Variants in UNC80 observed in about 807,000 individuals in gnomAD.
UNC80 encodes unc-80 subunit of NALCN channel complex, also known as protein unc-80 homolog.
UNC80 carries 164 observed loss-of-function variants against 384.6 expected under a neutral mutation model. That is an observed-to-expected ratio of 0.43 (90% CI 0.38 to 0.49). The LOEUF (loss-of-function observed/expected upper bound fraction) is 0.49. Among genes scored for constraint, UNC80 ranks in the 20% least tolerant of loss-of-function variants. UNC80 has a pLI of 0.00. For synonymous variants in UNC80, 1,486 were observed against 1,527.8 expected (o/e 0.97, Z 0.64); for missense variants, 3,330 against 4,143.0 (o/e 0.80, Z 5.39).
chr2:209,918,418 G>A, intron 32 of UNC80, 114 bp from the exon 33 acceptor site: 1 of 1,234,368 alleles, frequency 8.1e-7, no homozygotes, highest in Non-Finnish European at 1.1e-6. Flanking sequence ...TTCATTCTGT[G>A]TGAAGTCACT....
chr2:209,967,567 C>G lies in UNC80; in HGVS notation c.7936C>G (p.Pro2646Ala). ...TGACTGGACAGCTGAGGCAGTGAGGCCGGCCCTCATCCTCATTTTAAAAAG... is the reference window on the plus strand; with the variant it reads ...TGACTGGACAGCTGAGGCAGTGAGGGCGGCCCTCATCCTCATTTTAAAAAG... ...ITDWTAEAVR[P>A]ALILILKRLD... The change falls in exon 52 of 65, where the codon CCG (proline) becomes GCG (alanine). Residue 2646 changes from proline to alanine, a missense_variant. Pro to Ala is a conservative substitution (Grantham distance 27). Coordinates refer to ENST00000673920, the MANE Select transcript of UNC80 (RefSeq NM_001371986.1). The G allele has an allele frequency of 1.9e-6, 3 of 1,551,604 alleles. No individual in the cohort carries two copies. The highest frequency in any genetic ancestry group is 2.6e-6 in the Non-Finnish European group (3 of 1,146,964).
At position 209,877,988 on chromosome 2, in the gene UNC80, G is replaced by C. The variant is rs1461405035; in HGVS notation, c.3875G>C (p.Gly1292Ala). ...IGVRLNELCH[G>A]ESESPANLLG... ...GTCCGATTGAATGAGCTGTGCCACG[G>C]GGAAAGTGAGAGCCCAGCCAACCTG... Residue 1292 changes from glycine to alanine, a missense_variant, in exon 24 of 65, where the codon GGG (glycine) becomes GCG (alanine). This residue lies in a region of UNC80 where 801 missense variants were observed against 950.8 expected (regional missense o/e 0.84). Transcript: ENST00000673920. 10 of 1,542,104 alleles carry C rather than the reference G, an allele frequency of 6.5e-6. No individual in the cohort carries two copies. The East Asian group carries it at 2.2e-4, about 35-fold the overall frequency.
At chr2:209,927,624 A>T (rs2090537966) in intron 36 of UNC80, among the ~76,000 whole-genome samples, 1 of 152,210 alleles carries the variant, frequency 6.6e-6, no homozygotes, top group Admixed American at 6.5e-5. Context: ...ATATTACTTT[A>T]AATGAAAATA....
intron 61 of UNC80, among the ~76,000 whole-genome samples, chr2:209,989,011 T>C (rs2093343406): frequency 6.6e-6 from 1 of 152,042 alleles, no homozygotes; most frequent in Admixed American, 6.6e-5. Context: ...ATTCCCAAGA[T>C]TAAAAATTTT....
chr2:209,991,933 C>G (rs1472068569), intron 61 of UNC80, among the ~76,000 whole-genome samples: 2 of 152,124 alleles, frequency 1.3e-5, no homozygotes, highest in African/African-American at 4.8e-5. Context: ...ATGATAGATA[C>G]GGCATCAGTG....
Position 209,943,532 on chromosome 2 carries a change from G to A in UNC80, c.7050+18G>A. The A allele has an allele frequency of 1.3e-6, 2 of 1,523,486 alleles. No homozygotes were observed. The highest frequency in any genetic ancestry group is 1.4e-5 in the African/African-American group (1 of 70,924). The allele number at this position is 1,523,486 out of a possible 1,614,324, so 94.4% of individuals were successfully genotyped here. On this transcript the variant is annotated intron_variant, in intron 45 of 64. Coordinates refer to ENST00000673920, the MANE Select transcript of UNC80 (RefSeq NM_001371986.1). Reference sequence around the variant, plus strand: ...AATTTCCTGTAAGTAAGCTCTGTGGGAAAAAAAAATGAAGACCAACAAAAT... The same window carrying A: ...AATTTCCTGTAAGTAAGCTCTGTGGAAAAAAAAAATGAAGACCAACAAAAT...
chr2:209,893,473 G>A (rs1387901625), intron 26 of UNC80, among the ~76,000 whole-genome samples: 1 of 152,114 alleles, frequency 6.6e-6, no homozygotes, highest in Non-Finnish European at 1.5e-5. Flanking sequence ...CACTAAAGAT[G>A]AATAATGCAT....
At chr2:209,977,998 A>T (rs1358073407) in intron 58 of UNC80, among the ~76,000 whole-genome samples, 1 of 152,214 alleles carries the variant, frequency 6.6e-6, no homozygotes, top group Admixed American at 6.5e-5. Flanking sequence ...TTTACACATT[A>T]TCATTCAAAT....
chr2:209,943,245 A>T (rs1401044019), intron 44 of UNC80, 135 bp from the exon 45 acceptor site: 6 of 1,150,684 alleles, frequency 5.2e-6, no homozygotes, highest in Middle Eastern at 2.1e-4. Context: ...AGTTTATGCC[A>T]TTTTACATTC....
In UNC80 at chr2:209,969,766, A is replaced by T; in HGVS notation, c.8007-2A>T. ...GCTAATGGCGCCTATATTGTATTCC[A>T]GGCGACAGGTTGAGTGGGAGCCTGC... On this transcript the variant is annotated splice_acceptor_variant, in intron 52 of 64. Transcript: ENST00000673920. LOFTEE classifies it high-confidence loss of function. 1 of 1,551,612 alleles carries T rather than the reference A, an allele frequency of 6.4e-7. No homozygotes were observed. The highest frequency in any genetic ancestry group is 8.7e-7 in the Non-Finnish European group (1 of 1,146,942).
At chr2:209,855,459 T>TATGAA (rs1354897363) in intron 22 of UNC80, among the ~76,000 whole-genome samples, 1 of 152,058 alleles carries the variant, frequency 6.6e-6, no homozygotes, top group Non-Finnish European at 1.5e-5. Context: ...CCCAAGAACT[T>TATGAA]ATAAAATAAA....
Position 209,941,264 on chromosome 2 carries a change from GTGGATCCAGCTGC to G in UNC80, c.6695_6707del (p.Ile2232ArgfsTer28). 1 of 1,537,788 alleles carries G rather than the reference GTGGATCCAGCTGC, an allele frequency of 6.5e-7. No individual in the cohort carries two copies. Among genetic ancestry groups the G allele is most frequent in the Non-Finnish European group, 8.8e-7 (1 of 1,135,712 alleles). On this transcript the variant is annotated frameshift_variant, in exon 44 of 65. Coordinates refer to ENST00000673920, the MANE Select transcript of UNC80 (RefSeq NM_001371986.1). LOFTEE classifies it high-confidence loss of function. ...GCCTCGACACTCTTCAGAAAAGCTTGTGGATCCAGCTGCTGGAGGAAATGTTCCTGGGCATGCC... is the reference window on the plus strand; with the variant it reads ...GCCTCGACACTCTTCAGAAAAGCTTGTGGAGGAAATGTTCCTGGGCATGCC...
At chr2:209,950,952 T>G (rs2092149007) in intron 47 of UNC80, among the ~76,000 whole-genome samples, 1 of 152,000 alleles carries the variant, frequency 6.6e-6, no homozygotes, top group African/African-American at 2.4e-5. Context: ...GCATGTGGAT[T>G]GCATGATTTC....
chr2:209,857,806 C>A (rs2083046644), intron 22 of UNC80, among the ~76,000 whole-genome samples: 1 of 152,038 alleles, frequency 6.6e-6, no homozygotes. Flanking sequence ...TCCTTTTTGA[C>A]TCATAGGTAT....
At chr2:209,955,278 A>C (rs988550017) in intron 48 of UNC80, among the ~76,000 whole-genome samples, 1 of 152,144 alleles carries the variant, frequency 6.6e-6, no homozygotes, top group Non-Finnish European at 1.5e-5. Flanking sequence ...GAAGCCCTTT[A>C]GTCCAGGAAG....
At chr2:209,775,758 C>A in intron 2 of UNC80, 131 bp from the exon 3 acceptor site, 1 of 804,528 alleles carries the variant, frequency 1.2e-6, no homozygotes, top group Non-Finnish European at 1.9e-6. Flanking sequence ...GAATTTGGTC[C>A]AGTAATTTGC....
intron 1 of UNC80, among the ~76,000 whole-genome samples, chr2:209,772,619 C>T (rs2076639664): frequency 6.6e-6 from 1 of 152,138 alleles, no homozygotes; most frequent in Non-Finnish European, 1.5e-5. Context: ...CCAGTTAAAT[C>T]TCCTGAGGAT....
chr2:209,933,311 G>C (rs1286043812), intron 38 of UNC80, among the ~76,000 whole-genome samples: 1 of 151,860 alleles, frequency 6.6e-6, no homozygotes, highest in Non-Finnish European at 1.5e-5. Context: ...AATAATGTAA[G>C]GTTTGTCACA....
At chr2:209,884,372 T>C (rs182511472) in intron 25 of UNC80, among the ~76,000 whole-genome samples, 5 of 152,300 alleles carry the variant, frequency 3.3e-5, no homozygotes, top group Admixed American at 2.6e-4. Context: ...TACATTCGTT[T>C]GTTACAGAAA....
Sources: allele counts gnomAD v4.1 joint callset (sites outside exome capture counted in the v4.1 genomes callset), GRCh38; gene constraint gnomAD v4.1.1; regional missense constraint gnomAD v4.1.1; transcripts MANE v1.5; gene names NCBI Gene and HGNC (gene_info 2026-07-23, HGNC 2026-07-21).